Variants in NAV2 observed in about 807,000 individuals in gnomAD.
NAV2 encodes helicase, APC down-regulated 1.
Under a neutral mutation model 223.2 loss-of-function variants are expected in NAV2, and 54 were observed. The observed-to-expected ratio is 0.24, with a 90% CI of 0.19 to 0.30. NAV2 has a LOEUF of 0.30. NAV2 is among the 10% of genes least tolerant of loss of function. NAV2 has a pLI of 1.00. For synonymous variants in NAV2, 1,279 were observed against 1,239.3 expected, an observed-to-expected ratio of 1.03 and a Z score of -0.67; for missense variants, 2,806 against 3,147.5, an observed-to-expected ratio of 0.89 and a Z score of 2.60.
intron 11 of NAV2, 63 bp downstream of exon 11, chr11:19,984,310 T>C: frequency 6.2e-7 from 1 of 1,609,610 alleles, no homozygotes; most frequent in Non-Finnish European, 8.5e-7. Context: ...CCCTGAGAAA[T>C]GAGGGTTATG....
At chr11:19,603,646 A>AG (rs1351746933) in intron 1 of NAV2, among the ~76,000 whole-genome samples, 137 of 151,642 alleles carry the variant, frequency 9.0e-4, no homozygotes, top group African/African-American at 3.2e-3. Context: ...AAAAAAAAAA[A>AG]AAAGAAAAAA....
intron 11 of NAV2, among the ~76,000 whole-genome samples, chr11:20,024,380 G>A (rs1057119336): frequency 6.6e-6 from 1 of 152,172 alleles, no homozygotes; most frequent in African/African-American, 2.4e-5. Flanking sequence ...CCAAGTGAAG[G>A]TCAAATCAGG....
intron 1 of NAV2, among the ~76,000 whole-genome samples, chr11:19,451,131 T>G (rs770646195): frequency 2.4e-4 from 36 of 152,144 alleles, no homozygotes; most frequent in Non-Finnish European, 4.9e-4. Flanking sequence ...TCACATAGTA[T>G]GAAAGAAGCT....
intron 6 of NAV2, among the ~76,000 whole-genome samples, chr11:19,925,521 C>G (rs377577558): frequency 4.6e-5 from 7 of 152,098 alleles, no homozygotes; most frequent in African/African-American, 7.2e-5. Context: ...GAGACTGAGG[C>G]GGGTAGATCA....
rs1434669361 is a variant in NAV2 at position 19,984,144 on chromosome 11, C to G, written c.2665C>G (p.Leu889Val). Residue 889 changes from leucine to valine, a missense_variant, in exon 11 of 38, where the codon CTT becomes GTT. By Grantham distance (32) the Leu-to-Val change is conservative. Transcript: ENST00000349880. ...ITSGYMTDGG[L>V]GLYTRRLNRL... ...TTAAAGATACATGACTGATGGTGGACTTGGCCTCTATACCCGTCGCCTGAA... is the reference window on the plus strand; with the variant it reads ...TTAAAGATACATGACTGATGGTGGAGTTGGCCTCTATACCCGTCGCCTGAA... 6.2e-7 allele frequency: 1 copy of G among 1,614,060 alleles called. No individual in the cohort carries two copies. The highest frequency in any genetic ancestry group is 8.5e-7 in the Non-Finnish European group (1 of 1,180,036).
chr11:19,441,139 G>A (rs2046573), intron 1 of NAV2, among the ~76,000 whole-genome samples: 52,323 of 152,000 alleles, frequency 0.34, 9,671 homozygotes, highest in East Asian at 0.55. Flanking sequence ...AAAAGGAGGT[G>A]GGAAGAATGT....
chr11:20,028,720 G>A (rs1346805050), intron 11 of NAV2, among the ~76,000 whole-genome samples: 1 of 152,160 alleles, frequency 6.6e-6, no homozygotes, highest in Admixed American at 6.5e-5. Context: ...GAAAATGGGG[G>A]TGGAATAATA....
chr11:19,696,476 C>G (rs1428031102), intron 1 of NAV2, among the ~76,000 whole-genome samples: 1 of 152,314 alleles, frequency 6.6e-6, no homozygotes, highest in African/African-American at 2.4e-5. Context: ...TCTATTGTTC[C>G]TAGTTTTCCA....
chr11:19,598,860 G>T (rs555435414), intron 1 of NAV2, among the ~76,000 whole-genome samples: 68 of 148,486 alleles, frequency 4.6e-4, no homozygotes, highest in Admixed American at 4.5e-3. Flanking sequence ...AGTTGGCTCT[G>T]CATAATACGT....
intron 1 of NAV2, among the ~76,000 whole-genome samples, chr11:19,678,475 T>G (rs964802080): frequency 5.3e-5 from 8 of 152,176 alleles, no homozygotes; most frequent in African/African-American, 1.9e-4. Context: ...AGCTTAACCC[T>G]GTAACTTTCC....
chr11:19,801,636 C>T (rs1288329481), intron 1 of NAV2, among the ~76,000 whole-genome samples: 1 of 152,152 alleles, frequency 6.6e-6, no homozygotes, highest in Non-Finnish European at 1.5e-5. Context: ...TTGGGGACTA[C>T]TTTCGGAGGA....
intron 2 of NAV2, among the ~76,000 whole-genome samples, chr11:19,839,538 C>T (rs1307051282): frequency 2.6e-5 from 4 of 152,182 alleles, no homozygotes; most frequent in Admixed American, 2.6e-4. Flanking sequence ...GTAGGACTAT[C>T]CCTTCTTTCT....
At chr11:19,914,755 AGGAT>A (rs1224521771) in intron 6 of NAV2, among the ~76,000 whole-genome samples, 1 of 151,734 alleles carries the variant, frequency 6.6e-6, no homozygotes, top group East Asian at 1.9e-4. Context: ...CTTGTTAGCC[AGGAT>A]GGTCTCGATC....
intron 1 of NAV2, among the ~76,000 whole-genome samples, chr11:19,790,355 G>T (rs1412214265): frequency 1.3e-5 from 2 of 152,182 alleles, no homozygotes; most frequent in East Asian, 3.8e-4. Context: ...AAAGTGATTT[G>T]CTTAAGGTCA....
chr11:19,452,177 C>T (rs745395272), intron 1 of NAV2, among the ~76,000 whole-genome samples: 23 of 150,364 alleles, frequency 1.5e-4, no homozygotes, highest in Non-Finnish European at 3.0e-4. Flanking sequence ...TTCTTCATTT[C>T]CTTTCCAGTC....
intron 1 of NAV2, among the ~76,000 whole-genome samples, chr11:19,612,922 C>T (rs1451189163): frequency 6.6e-6 from 1 of 152,140 alleles, no homozygotes; most frequent in Non-Finnish European, 1.5e-5. Context: ...AAAGACATAC[C>T]TGAAACTGGG....
At chr11:19,631,280 C>T (rs984887775) in intron 1 of NAV2, among the ~76,000 whole-genome samples, 13 of 151,982 alleles carry the variant, frequency 8.6e-5, no homozygotes, top group South Asian at 4.2e-4. Flanking sequence ...CAACAGTCCC[C>T]GGCGTGTGAT....
intron 1 of NAV2, among the ~76,000 whole-genome samples, chr11:19,427,243 C>T (rs1166921254): frequency 1.3e-5 from 2 of 152,204 alleles, no homozygotes; most frequent in Non-Finnish European, 2.9e-5. Context: ...AAGAGGATGG[C>T]AATACTCTCA....
At chr11:19,927,476 G>A (rs1266038567) in intron 6 of NAV2, among the ~76,000 whole-genome samples, 1 of 152,236 alleles carries the variant, frequency 6.6e-6, no homozygotes, top group Non-Finnish European at 1.5e-5. Context: ...CAGCTACTCA[G>A]GAGGCTGAGG....
Sources: gnomAD v4.1 joint callset for allele counts (sites outside exome capture counted in the v4.1 genomes callset) on GRCh38, gnomAD v4.1.1 for gene constraint, MANE v1.5 for transcripts, NCBI Gene and HGNC (gene_info 2026-07-23, HGNC 2026-07-21) for gene names.